The following MKX variants were observed in gnomAD, a reference collection of about 807,000 sequenced individuals.
MKX encodes the protein mohawk homeobox.
In MKX, 13 loss-of-function variants were observed where a neutral mutation model predicts 36.0. The ratio of observed to expected loss-of-function variants is 0.36; its 90% CI spans 0.24 to 0.57. The LOEUF (loss-of-function observed/expected upper bound fraction) is 0.57. Among genes scored for constraint, MKX ranks in the 20% least tolerant of loss-of-function variants. The pLI, the probability that MKX is intolerant of heterozygous loss-of-function variation, is 0.79. For missense variants in MKX, 458 were observed against 456.4 expected (o/e 1.00, Z -0.03); for synonymous variants, 176 against 178.3 (o/e 0.99, Z 0.10).
chr10:27,709,964 T>C (rs1836823943), intron 5 of MKX, among the ~76,000 whole-genome samples: 2 of 152,346 alleles, frequency 1.3e-5, no homozygotes, highest in South Asian at 2.1e-4. Flanking sequence ...CATTTTAACA[T>C]GTAATTAGTA....
At chr10:27,716,096 G>A (rs1358089636) in intron 5 of MKX, among the ~76,000 whole-genome samples, 1 of 152,130 alleles carries the variant, frequency 6.6e-6, no homozygotes, top group Non-Finnish European at 1.5e-5. Context: ...TGCTATTTAA[G>A]TCTGTTCCCT....
chr10:27,741,360 C>T lies in MKX; in HGVS notation c.333G>A (p.Gln111=), dbSNP rs866893521. 2 of 1,612,994 alleles carry T rather than the reference C, an allele frequency of 1.2e-6. No homozygotes were observed. The highest frequency in any genetic ancestry group is 1.7e-6 in the Non-Finnish European group (2 of 1,179,642). ...TCCTGATTACCTGCACTAGCGTCAT[C>T]TGCGAGCCGAGGGCCAAGAGTATCT... ...TEKILLALGS[Q]MTLVQVSNWF... is the part of the protein sequence containing the mutation. The change falls in exon 3 of 7, where the codon CAG becomes CAA. Residue 111 remains glutamine, a synonymous_variant. Transcript: ENST00000419761. The surrounding 1 kb of genome is among the most constrained non-coding windows in gnomAD (Gnocchi z 5.1).
intron 5 of MKX, among the ~76,000 whole-genome samples, chr10:27,687,712 C>T (rs1329709908): frequency 6.6e-6 from 1 of 152,184 alleles, no homozygotes; most frequent in Non-Finnish European, 1.5e-5. Flanking sequence ...CAGCATAGTC[C>T]CACTTTCCAA....
rs1554773025 is a variant in MKX at position 27,719,994 on chromosome 10, A to AAG, written c.838+14460_838+14461dup. On this transcript the variant is annotated intron_variant, in intron 5 of 6. Coordinates refer to ENST00000419761, the MANE Select transcript of MKX (RefSeq NM_173576.3). Reference sequence around the variant, plus strand: ...ACAGAGTCTCAAAAAAAAAAAAAAAAAGAGAGAGAGAGAGAAAAAGTTGAT... The same window carrying AAG: ...ACAGAGTCTCAAAAAAAAAAAAAAAAAGAGAGAGAGAGAGAGAAAAAGTTGAT... Among the ~76,000 whole-genome samples, 482 of 147,068 alleles carry AAG rather than the reference A, an allele frequency of 3.3e-3. 5 individuals carry two copies. The highest frequency in any genetic ancestry group is 0.013 in the East Asian group (62 of 4,844).
intron 5 of MKX, among the ~76,000 whole-genome samples, chr10:27,693,303 G>A (rs1241096612): frequency 6.6e-6 from 1 of 152,062 alleles, no homozygotes; most frequent in African/African-American, 2.4e-5. Context: ...AAAACAATAA[G>A]GATCTATACT....
rs1012421340 is a variant in MKX at position 27,742,733 on chromosome 10, C to T, written c.188+495G>A. 6.6e-6 allele frequency among the ~76,000 whole-genome samples: 1 copy of T among 152,060 alleles called. No homozygotes were observed. The highest frequency in any genetic ancestry group is 2.4e-5 in the African/African-American group (1 of 41,448). ...GAGCCGCGCTCACGCCCGGGACTCCCTGGCGGGAGGCGACCTTCCCGACTC... is the reference window on the plus strand; with the variant it reads ...GAGCCGCGCTCACGCCCGGGACTCCTTGGCGGGAGGCGACCTTCCCGACTC... On this transcript the variant is annotated intron_variant, in intron 2 of 6. Coordinates refer to ENST00000419761, the MANE Select transcript of MKX (RefSeq NM_173576.3). This position sits in a 1 kb window ranked among gnomAD's most constrained non-coding sequence, Gnocchi z 4.2.
At chr10:27,700,773 T>C (rs1045912547) in intron 5 of MKX, among the ~76,000 whole-genome samples, 1 of 152,160 alleles carries the variant, frequency 6.6e-6, no homozygotes, top group Non-Finnish European at 1.5e-5. Context: ...AGGAAGGTGG[T>C]TTGTGTCCTC....
intron 5 of MKX, among the ~76,000 whole-genome samples, chr10:27,687,394 T>C (rs7094091): frequency 0.029 from 4,457 of 152,286 alleles, 219 homozygotes; most frequent in African/African-American, 0.1. Context: ...TAGGTTATAA[T>C]TCCATTAATA....
chr10:27,694,527 A>AAATATATATATATATATAT (rs547670335), intron 5 of MKX, among the ~76,000 whole-genome samples: 1 of 114,342 alleles, frequency 8.7e-6, no homozygotes, highest in African/African-American at 3.3e-5. Flanking sequence ...AAAAAAAAAA[A>AAATATATATATATATATAT]ATATATATAT....
intron 5 of MKX, among the ~76,000 whole-genome samples, chr10:27,703,824 C>T (rs1367000679): frequency 6.6e-6 from 1 of 152,078 alleles, no homozygotes; most frequent in Non-Finnish European, 1.5e-5. Flanking sequence ...CGCTTGAACC[C>T]AGGAGATGGA....
intron 5 of MKX, among the ~76,000 whole-genome samples, chr10:27,715,931 C>CTT (rs9299861): frequency 0.92 from 139,935 of 151,966 alleles, 64,440 homozygotes; most frequent in East Asian, 1. Context: ...TAGAGGAAGA[C>CTT]ATAAAAGCAG....
At chr10:27,708,088 T>C (rs928625360) in intron 5 of MKX, among the ~76,000 whole-genome samples, 20 of 152,292 alleles carry the variant, frequency 1.3e-4, no homozygotes, top group African/African-American at 4.3e-4. Context: ...AAGGAAACTG[T>C]TACTTCTCTT....
At chr10:27,738,359 A>G (rs1029983984) in intron 3 of MKX, among the ~76,000 whole-genome samples, 1 of 152,028 alleles carries the variant, frequency 6.6e-6, no homozygotes, top group Non-Finnish European at 1.5e-5. Context: ...CATCTGTTTC[A>G]CTGAAGGTAA....
At chr10:27,684,673 C>T (rs535291906) in intron 5 of MKX, among the ~76,000 whole-genome samples, 39 of 152,310 alleles carry the variant, frequency 2.6e-4, no homozygotes, top group Non-Finnish European at 4.1e-4. Flanking sequence ...ATAGAAACAG[C>T]CTGAAAGAAT....
At chr10:27,735,022 G>A (rs969040462) in intron 4 of MKX, among the ~76,000 whole-genome samples, 199 bp downstream of exon 4, 2 of 151,932 alleles carry the variant, frequency 1.3e-5, no homozygotes, top group Non-Finnish European at 2.9e-5. Context: ...TCTGACACAT[G>A]GTATATCTAT....
intron 5 of MKX, among the ~76,000 whole-genome samples, chr10:27,700,234 A>C (rs1169982977): frequency 6.6e-6 from 1 of 152,242 alleles, no homozygotes; most frequent in African/African-American, 2.4e-5. Context: ...GGTGTGGAGT[A>C]GCCCTAAAGC....
chr10:27,731,126 TC>T (rs1026202104), intron 5 of MKX, among the ~76,000 whole-genome samples: 6 of 116,060 alleles, frequency 5.2e-5, no homozygotes, highest in African/African-American at 2.0e-4. Flanking sequence ...AGAGCAAGAC[TC>T]CATCTCAAAA....
intron 5 of MKX, among the ~76,000 whole-genome samples, chr10:27,681,233 G>C (rs1265570955): frequency 1.3e-5 from 2 of 152,100 alleles, no homozygotes; most frequent in South Asian, 2.1e-4. Flanking sequence ...AATCACTTGA[G>C]TTCAGGAGTT....
intron 1 of MKX, 45 bp downstream of exon 1, chr10:27,745,662 C>A (rs1486644630): frequency 6.6e-6 from 1 of 152,362 alleles, no homozygotes; most frequent in African/African-American, 2.4e-5. Flanking sequence ...GCGAGCCTGG[C>A]GTTCCGCCGC....
Sources: allele counts gnomAD v4.1 joint callset (sites outside exome capture counted in the v4.1 genomes callset), GRCh38; gene constraint gnomAD v4.1.1; non-coding constraint Gnocchi (gnomAD v3.1); transcripts MANE v1.5; gene names NCBI Gene and HGNC (gene_info 2026-07-23, HGNC 2026-07-21).